Variants in RREB1 observed in about 807,000 individuals in gnomAD.
RREB1 encodes the protein ras responsive element binding protein 1, also known as ras-responsive element-binding protein 1.
Under a neutral mutation model 117.8 loss-of-function variants are expected in RREB1, and 27 were observed. The observed-to-expected ratio is 0.23, with a 90% confidence interval of 0.17 to 0.32. RREB1 has a LOEUF of 0.32. Among genes scored for constraint, RREB1 ranks in the 10% least tolerant of loss-of-function variants. The probability of loss-of-function intolerance (pLI) is 1.00; values close to 1 mark genes in which losing one functional copy is unlikely to be tolerated. For missense variants in RREB1, 2,577 were observed against 2,378.2 expected (o/e 1.08, Z -1.74); for synonymous variants, 1,298 against 1,026.7 (o/e 1.26, Z -5.05).
chr6:7,187,109 G>A (rs897397842), intron 4 of RREB1, among the ~76,000 whole-genome samples: 7 of 152,172 alleles, frequency 4.6e-5, no homozygotes, highest in Non-Finnish European at 1.0e-4. Flanking sequence ...CACCATCACA[G>A]ATTATTAAGT....
chr6:7,195,025 G>T (rs1272126308), intron 6 of RREB1, among the ~76,000 whole-genome samples: 1 of 152,202 alleles, frequency 6.6e-6, no homozygotes, highest in East Asian at 1.9e-4. Flanking sequence ...GGTAGTGCTT[G>T]TTAAATGGTA....
chr6:7,124,370 T>A (rs1183503725), intron 1 of RREB1, among the ~76,000 whole-genome samples: 1 of 152,198 alleles, frequency 6.6e-6, no homozygotes, highest in African/African-American at 2.4e-5. Context: ...ATGATTTATG[T>A]CATTGTTATC....
At chr6:7,120,062 A>G (rs1438543972) in intron 1 of RREB1, among the ~76,000 whole-genome samples, 1 of 151,898 alleles carries the variant, frequency 6.6e-6, no homozygotes, top group Non-Finnish European at 1.5e-5. Flanking sequence ...TGTGTTCTCT[A>G]CCTTTTAAAG....
At chr6:7,131,205 C>T (rs1008328579) in intron 1 of RREB1, among the ~76,000 whole-genome samples, 3 of 151,812 alleles carry the variant, frequency 2.0e-5, no homozygotes, top group African/African-American at 7.3e-5. Context: ...GGATTACAGG[C>T]GTGAGCCACC....
In RREB1 at chr6:7,229,824, G is replaced by T. The variant is rs753682545; in HGVS notation, c.1725G>T (p.Thr575=). The T allele has an allele frequency of 1.9e-6, 3 of 1,610,354 alleles. No homozygotes were observed. The highest frequency in any genetic ancestry group is 2.2e-5 in the East Asian group (1 of 44,762). Residue 575 remains threonine (T), a synonymous_variant, in exon 10 of 13, where the codon ACG becomes ACT. Transcript: ENST00000379938. The surrounding 1 kb of genome is among the most constrained non-coding windows in gnomAD (Gnocchi z 4.5). ...CCGGGACCCAGCCCCACGCGGCCAC[G>T]CGGCTCTCCCTGCAGCAGCCGCGGG... ...SKSGTQPHAA[T]RLSLQQPRAE...
Position 7,247,183 on chromosome 6 carries a change from C to A in RREB1, c.4733C>A (p.Ser1578Ter). ...AGCGTGTGCAACAAGCGGTTCTGGT[C>A]GCTGCAGGACCTGACCCGGCACATG... Reference protein sequence around the residue: ...VCSVCNKRFWSLQDLTRHMRS... With the variant: ...VCSVCNKRFW Residue 1578 changes from serine to a stop codon, truncating the protein, a stop_gained, in exon 12 of 13, where the codon TCG (serine) becomes TAG (stop). Coordinates refer to ENST00000379938, the MANE Select transcript of RREB1 (RefSeq NM_001003699.4). LOFTEE classifies it high-confidence loss of function. 3 of 1,613,702 alleles carry A rather than the reference C, an allele frequency of 1.9e-6. No homozygotes were observed. In the South Asian group the frequency reaches 3.3e-5, roughly 18 times the overall value.
At chr6:7,159,198 C>T (rs953419732) in intron 1 of RREB1, among the ~76,000 whole-genome samples, 3 of 152,144 alleles carry the variant, frequency 2.0e-5, no homozygotes, top group East Asian at 1.9e-4. Flanking sequence ...AAACATTCTC[C>T]GTAAGACCAC....
chr6:7,212,194 A>C (rs1436628195), intron 8 of RREB1: 1 of 154,450 alleles, frequency 6.5e-6, no homozygotes, highest in Non-Finnish European at 1.4e-5. Context: ...CTGAGAAGCC[A>C]TTTTGGGGTC....
chr6:7,110,087 C>T (rs1162355630), intron 1 of RREB1, among the ~76,000 whole-genome samples: 1 of 152,170 alleles, frequency 6.6e-6, no homozygotes, highest in African/African-American at 2.4e-5. Context: ...GTTGCTAGTG[C>T]ATCTCCATTA....
Position 7,188,467 on chromosome 6 carries a change from A to G in RREB1, c.262-692A>G, listed in dbSNP as rs1765222469. 2.0e-5 allele frequency among the ~76,000 whole-genome samples: 3 copies of G among 152,094 alleles called. No homozygotes were observed. In the South Asian group the frequency reaches 6.2e-4, roughly 32 times the overall value. ...GGGGTTTCAGCACGTTTATATTAGT[A>G]TAAACGTACATAACACAGAAGGAAA... On this transcript the variant is annotated intron_variant, in intron 5 of 12. Coordinates refer to ENST00000379938, the MANE Select transcript of RREB1 (RefSeq NM_001003699.4).
chr6:7,150,968 T>C (rs1052145539), intron 1 of RREB1, among the ~76,000 whole-genome samples: 1 of 152,206 alleles, frequency 6.6e-6, no homozygotes, highest in African/African-American at 2.4e-5. Context: ...GAACAGCTGC[T>C]GGCCGCCCGG....
rs757435670 is a variant in RREB1 at position 7,246,815 on chromosome 6, G to A, written c.4365G>A (p.Lys1455=). 7.1e-6 allele frequency: 11 copies of A among 1,553,798 alleles called. No homozygotes were observed. The highest frequency in any genetic ancestry group is 9.6e-6 in the Non-Finnish European group (11 of 1,149,062). Residue 1455 remains lysine, a synonymous_variant, in exon 12 of 13, where the codon AAG becomes AAA. Transcript: ENST00000379938. ...AGCTCGCCTGCGACACCTGTGGGAA[G>A]AGCTTCAAGTTCCTGGGCACCCTGA... is the stretch of plus-strand genomic sequence containing the variant. ...EQKLACDTCG[K]SFKFLGTLSR...
intron 1 of RREB1, among the ~76,000 whole-genome samples, chr6:7,111,041 C>CT (rs559381098): frequency 2.1e-3 from 319 of 152,264 alleles, no homozygotes; most frequent in Non-Finnish European, 3.3e-3. Flanking sequence ...ATTGAAGGGT[C>CT]TTTTAAATTT....
chr6:7,124,552 T>A (rs1241109345), intron 1 of RREB1, among the ~76,000 whole-genome samples: 1 of 152,118 alleles, frequency 6.6e-6, no homozygotes. Context: ...CAAATTAATC[T>A]GTCTAGAGTA....
At chr6:7,159,251 G>GT in intron 1 of RREB1, among the ~76,000 whole-genome samples, 1 of 152,096 alleles carries the variant, frequency 6.6e-6, no homozygotes, top group Non-Finnish European at 1.5e-5. Context: ...GAATTGATAG[G>GT]TTGTGGGCCA....
chr6:7,115,324 A>C (rs1043075239), intron 1 of RREB1, among the ~76,000 whole-genome samples: 8 of 152,030 alleles, frequency 5.3e-5, no homozygotes, highest in Non-Finnish European at 1.2e-4. Flanking sequence ...TTAGCCAGCA[A>C]GTGTTAACTG....
In RREB1 at chr6:7,222,919, A is replaced by T. The variant is rs182529511; in HGVS notation, c.708-3548A>T. Among the ~76,000 whole-genome samples the T allele has an allele frequency of 6.0e-4, 91 of 152,318 alleles. 2 individuals carry two copies. Among genetic ancestry groups the T allele is most frequent in the Admixed American group, 4.7e-3 (72 of 15,302 alleles). ...TACTTATTAATGCCAGTCACACTAA[A>T]TATTCATAACCAATAGGCTGTGCAC... On this transcript the variant is annotated intron_variant, in intron 8 of 12. Transcript: ENST00000379938.
At chr6:7,212,129 C>T in intron 8 of RREB1, 2 of 185,750 alleles carry the variant, frequency 1.1e-5, no homozygotes, top group South Asian at 2.3e-4. Context: ...CAGCACTGGT[C>T]CATCATAGGC....
chr6:7,240,873 C>T (rs1419291808), intron 11 of RREB1, among the ~76,000 whole-genome samples: 1 of 152,134 alleles, frequency 6.6e-6, no homozygotes, highest in Admixed American at 6.5e-5. Context: ...CTGTCACCCT[C>T]TTGGCAGAAG....
Sources: allele counts gnomAD v4.1 joint callset (sites outside exome capture counted in the v4.1 genomes callset), GRCh38; gene constraint gnomAD v4.1.1; non-coding constraint Gnocchi (gnomAD v3.1); transcripts MANE v1.5; gene names NCBI Gene and HGNC (gene_info 2026-07-23, HGNC 2026-07-21).